PCDHGA2: variants seen among roughly 807,000 people sequenced by gnomAD.
The protein encoded by PCDHGA2 is protocadherin gamma subfamily A, 2, also known as protocadherin gamma-A2.
PCDHGA2 carries 40 observed loss-of-function variants against 59.2 expected under a neutral mutation model. That is an observed-to-expected ratio of 0.68 (90% CI 0.52 to 0.88). The LOEUF (loss-of-function observed/expected upper bound fraction) is 0.88, where lower values mean the gene tolerates loss of function less well. Among genes scored for constraint, PCDHGA2 ranks in the 40% least tolerant of loss-of-function variants. The pLI, the probability that PCDHGA2 is intolerant of heterozygous loss-of-function variation, is 0.00. For synonymous variants in PCDHGA2, 560 were observed against 526.0 expected, an observed-to-expected ratio of 1.06 and a Z score of -0.89; for missense variants, 1,226 against 1,204.0, an observed-to-expected ratio of 1.02 and a Z score of -0.27.
At chr5:141,413,870 T>A (rs2095687151) in intron 1 of PCDHGA2, 1 of 1,613,268 alleles carries the variant, frequency 6.2e-7, no homozygotes, top group Admixed American at 1.7e-5. Context: ...ACTGTCCTTG[T>A]CAGTGTGACT....
intron 1 of PCDHGA2, chr5:141,370,267 C>G (rs960781969): frequency 3.9e-6 from 3 of 767,522 alleles, no homozygotes; most frequent in Non-Finnish European, 6.1e-6. Flanking sequence ...CTTCCTGCAG[C>G]GGAGACACCC....
At chr5:141,383,365 G>A (rs763555331) in intron 1 of PCDHGA2, 9 of 1,614,014 alleles carry the variant, frequency 5.6e-6, no homozygotes, top group Admixed American at 3.3e-5. Flanking sequence ...TCCGTTAAGC[G>A]AGGCTGGGGA....
rs758065876 is a variant in PCDHGA2 at position 141,422,916 on chromosome 5, C to A, written c.2425-71891C>A. 5.6e-6 allele frequency: 9 copies of A among 1,614,260 alleles called. No homozygotes were observed. In the South Asian group the frequency reaches 9.9e-5, roughly 18 times the overall value. ...ACCAGAACGACAATGCGCCCGAGAT[C>A]CTGTACCCTGCCCTCCCCACAGACG... On this transcript the variant is annotated intron_variant, in intron 1 of 3. Coordinates refer to ENST00000394576, the MANE Select transcript of PCDHGA2 (RefSeq NM_018915.4).
chr5:141,469,962 C>T (rs943032320), intron 1 of PCDHGA2, among the ~76,000 whole-genome samples: 8 of 152,134 alleles, frequency 5.3e-5, no homozygotes, highest in African/African-American at 1.9e-4. Flanking sequence ...GAAACCCCAT[C>T]TGTACCAAAA....
rs1395235006 is a variant in PCDHGA2 at position 141,360,862 on chromosome 5, A to G, written c.2424+19467A>G. 3.7e-6 allele frequency: 6 copies of G among 1,613,898 alleles called. No individual in the cohort carries two copies. In the African/African-American group the frequency reaches 6.7e-5, roughly 18 times the overall value. The stretch of plus-strand genomic sequence containing the variant: ...TGCCAACGATAACCCTCCAGTGTTC[A>G]GCCAGGACGTGTACAGGGTCACCCT... On this transcript the variant is annotated intron_variant, in intron 1 of 3. Transcript: ENST00000394576.
chr5:141,414,251 C>T, intron 1 of PCDHGA2: 3 of 1,613,346 alleles, frequency 1.9e-6, no homozygotes, highest in Non-Finnish European at 2.5e-6. Context: ...CTATTTAGTC[C>T]AGTGACTGAA....
intron 1 of PCDHGA2, among the ~76,000 whole-genome samples, chr5:141,459,937 G>A (rs904431112): frequency 6.6e-6 from 1 of 152,132 alleles, no homozygotes; most frequent in Non-Finnish European, 1.5e-5. Flanking sequence ...TTGTAGCTGG[G>A]CGTGATGGCA....
At chr5:141,507,809 C>G (rs866898784) in intron 3 of PCDHGA2, among the ~76,000 whole-genome samples, 1 of 152,206 alleles carries the variant, frequency 6.6e-6, no homozygotes, top group Non-Finnish European at 1.5e-5. Context: ...CCCTGGGGAA[C>G]GGACCCTGGG....
intron 1 of PCDHGA2, chr5:141,372,032 G>A (rs1177751501): frequency 1.2e-6 from 2 of 1,613,340 alleles, no homozygotes; most frequent in Non-Finnish European, 1.7e-6. Context: ...GCGCCAACGT[G>A]AGCCTGCGCG....
chr5:141,487,771 T>C lies in PCDHGA2; in HGVS notation c.2425-7036T>C. The C allele has an allele frequency of 1.3e-6, 2 of 1,537,446 alleles. No homozygotes were observed. Among genetic ancestry groups the C allele is most frequent in the South Asian group, 2.4e-5 (2 of 82,456 alleles). ...ACTATGTGGTAGACGCTGTGCTTTGTAACTGTTTCGTGAATTAACCAGAGT... is the reference window on the plus strand; with the variant it reads ...ACTATGTGGTAGACGCTGTGCTTTGCAACTGTTTCGTGAATTAACCAGAGT... On this transcript the variant is annotated intron_variant, in intron 1 of 3. Coordinates refer to ENST00000394576, the MANE Select transcript of PCDHGA2 (RefSeq NM_018915.4). This position sits in a 1 kb window ranked among gnomAD's most constrained non-coding sequence, Gnocchi z 5.0.
chr5:141,510,910 A>C (rs780792326), intron 3 of PCDHGA2, 37 bp from the exon 4 acceptor site: 4 of 1,613,740 alleles, frequency 2.5e-6, no homozygotes, highest in Admixed American at 3.3e-5. Flanking sequence ...GAGGACCCTA[A>C]GTTTAGCTCC....
Position 141,364,882 on chromosome 5 carries a change from C to G in PCDHGA2, c.2424+23487C>G, listed in dbSNP as rs199576947. 1.6e-3 allele frequency: 2,598 copies of G among 1,613,962 alleles called. 5 individuals carry two copies. The highest frequency in any genetic ancestry group is 2.6e-3 in the South Asian group (236 of 91,080). Reference sequence around the variant, plus strand: ...TGCACTTCTCTCTGGATGTGGTAAGCGGAACTGATGGACAAAAGTATCCGG... The same window carrying G: ...TGCACTTCTCTCTGGATGTGGTAAGGGGAACTGATGGACAAAAGTATCCGG... On this transcript the variant is annotated intron_variant, in intron 1 of 3. Transcript: ENST00000394576.
chr5:141,348,422 C>A (rs1294192949), intron 1 of PCDHGA2, among the ~76,000 whole-genome samples: 1 of 151,974 alleles, frequency 6.6e-6, no homozygotes, highest in African/African-American at 2.4e-5. Context: ...AGGCACGTAA[C>A]TTTTAACATA....
chr5:141,352,385 C>G, intron 1 of PCDHGA2: 1 of 1,614,052 alleles, frequency 6.2e-7, no homozygotes, highest in Non-Finnish European at 8.5e-7. Flanking sequence ...AGCGATCGCC[C>G]TGCGCCTGCG....
intron 1 of PCDHGA2, among the ~76,000 whole-genome samples, chr5:141,425,219 G>T (rs779272038): frequency 2.0e-5 from 3 of 152,148 alleles, no homozygotes; most frequent in Non-Finnish European, 2.9e-5. Context: ...ATTGTACTTT[G>T]ACTGGAATTA....
chr5:141,500,883 T>G (rs1250275850), intron 2 of PCDHGA2, among the ~76,000 whole-genome samples: 2 of 97,532 alleles, frequency 2.1e-5, no homozygotes, highest in African/African-American at 1.2e-4. Context: ...TACAATTTTT[T>G]TTTTTTGAGA....
rs1246775805 is a variant in PCDHGA2, at chr5:141,340,863, C to T, written c.1892C>T (p.Ala631Val). The change falls in exon 1 of 4, where the codon GCC (alanine) becomes GTC (valine). Residue 631 changes from alanine to valine, a missense_variant. Transcript: ENST00000394576. ...ACGGGCGAGGTGCGCACGGCGCGAG[C>T]CCTGCTGGACAGAGACGCGCTCAAG... ...LHTGEVRTAR[A>V]LLDRDALKQS... 5 of 1,613,622 alleles carry T rather than the reference C, an allele frequency of 3.1e-6. No individual in the cohort carries two copies. Among genetic ancestry groups the T allele is most frequent in the Non-Finnish European group, 4.2e-6 (5 of 1,179,910 alleles).
chr5:141,413,533 C>T (rs777022301), intron 1 of PCDHGA2: 1 of 1,613,934 alleles, frequency 6.2e-7, no homozygotes, highest in Admixed American at 1.7e-5. Context: ...CAGGGTGAAA[C>T]TTTTTGGGAT....
At chr5:141,351,660 T>C (rs1758779964) in intron 1 of PCDHGA2, 1 of 1,613,886 alleles carries the variant, frequency 6.2e-7, no homozygotes, top group African/African-American at 1.3e-5. Context: ...GGCGCCTCCA[T>C]TGCACAAGTA....
Sources: gnomAD v4.1 joint callset for allele counts (sites outside exome capture counted in the v4.1 genomes callset) on GRCh38, gnomAD v4.1.1 for gene constraint, Gnocchi (gnomAD v3.1) non-coding constraint, MANE v1.5 for transcripts, NCBI Gene and HGNC (gene_info 2026-07-23, HGNC 2026-07-21) for gene names.